The following EPHA5 variants were observed in gnomAD, a reference collection of about 807,000 sequenced individuals.
EPHA5 encodes EPH receptor A5.
EPHA5 carries 60 observed loss-of-function variants against 105.0 expected under a neutral mutation model. That is an observed-to-expected ratio of 0.57 (90% CI 0.46 to 0.71). The LOEUF is 0.71. Among genes scored for constraint, EPHA5 ranks in the 30% least tolerant of loss-of-function variants. The pLI, the probability that EPHA5 is intolerant of heterozygous loss-of-function variation, is 0.00. For missense variants in EPHA5, 1,218 were observed against 1,274.7 expected (o/e 0.96, Z 0.68); for synonymous variants, 513 against 449.1 (o/e 1.14, Z -1.80).
chr4:65,331,263 A>G (rs1267154418), intron 16 of EPHA5: 13 of 1,030,520 alleles, frequency 1.3e-5, no homozygotes, highest in Non-Finnish European at 1.5e-5. Context: ...AATTAGGCTA[A>G]AACAACCACA....
intron 16 of EPHA5, among the ~76,000 whole-genome samples, chr4:65,324,459 A>G (rs2148777971): frequency 6.6e-6 from 1 of 151,658 alleles, no homozygotes; most frequent in Admixed American, 6.6e-5. Flanking sequence ...ATTTGTGGAC[A>G]TCACTATTTT....
chr4:65,576,098 GAAAAGAAAAGAAAAGAA>G (rs1560721492), intron 3 of EPHA5, among the ~76,000 whole-genome samples: 1,082 of 77,044 alleles, frequency 0.014, 47 homozygotes, highest in East Asian at 0.04. Flanking sequence ...GAAAAGAAAA[GAAAAGAAAAGAAAAGAA>G]AAAAGAAAAG....
chr4:65,557,168 G>A (rs1738530616), intron 3 of EPHA5, among the ~76,000 whole-genome samples: 1 of 145,756 alleles, frequency 6.9e-6, no homozygotes, highest in Admixed American at 7.0e-5. Flanking sequence ...CAGATTTGGG[G>A]ACGGGGCATG....
chr4:65,666,912 T>C (rs2149562742), intron 1 of EPHA5, among the ~76,000 whole-genome samples: 1 of 152,328 alleles, frequency 6.6e-6, no homozygotes, highest in Admixed American at 6.5e-5. Context: ...CAGCTATGAA[T>C]ATACACTTAC....
intron 8 of EPHA5, among the ~76,000 whole-genome samples, chr4:65,380,338 A>G (rs955661421): frequency 4.6e-5 from 7 of 151,812 alleles, no homozygotes; most frequent in Admixed American, 1.3e-4. Context: ...TGATAGCATA[A>G]TCTTTTCAGA....
chr4:65,369,175 A>G (rs934481726), intron 8 of EPHA5, among the ~76,000 whole-genome samples: 1 of 152,178 alleles, frequency 6.6e-6, no homozygotes, highest in Non-Finnish European at 1.5e-5. Flanking sequence ...CACATTGATG[A>G]ATGAATAAAT....
intron 5 of EPHA5, among the ~76,000 whole-genome samples, chr4:65,441,341 T>G (rs908559103): frequency 6.6e-6 from 1 of 151,984 alleles, no homozygotes; most frequent in Admixed American, 6.6e-5. Flanking sequence ...CATATACTAC[T>G]GAGGGTGTGA....
chr4:65,600,238 ATTTCT>A (rs1276064018), intron 3 of EPHA5, among the ~76,000 whole-genome samples: 7 of 152,282 alleles, frequency 4.6e-5, no homozygotes, highest in South Asian at 2.1e-4. Context: ...ATATTAGAAC[ATTTCT>A]TTAATTCCAG....
At chr4:65,516,470 C>A (rs183438982) in intron 3 of EPHA5, among the ~76,000 whole-genome samples, 1 of 151,970 alleles carries the variant, frequency 6.6e-6, no homozygotes, top group Non-Finnish European at 1.5e-5. Flanking sequence ...ATTTTAGGAA[C>A]AGCAGAGGCA....
At chr4:65,441,487 A>G (rs1256304960) in intron 5 of EPHA5, among the ~76,000 whole-genome samples, 2 of 152,124 alleles carry the variant, frequency 1.3e-5, no homozygotes, top group African/African-American at 2.4e-5. Context: ...ATCTTTAAAA[A>G]TGCTCACTCT....
intron 1 of EPHA5, among the ~76,000 whole-genome samples, chr4:65,651,339 T>G (rs1184759056): frequency 6.6e-6 from 1 of 152,176 alleles, no homozygotes; most frequent in African/African-American, 2.4e-5. Flanking sequence ...TGTTGTTGCT[T>G]AATCCAGTAG....
intron 11 of EPHA5, among the ~76,000 whole-genome samples, chr4:65,354,499 T>G (rs964035391): frequency 6.6e-6 from 1 of 151,740 alleles, no homozygotes; most frequent in East Asian, 1.9e-4. Flanking sequence ...ATTTAAAATA[T>G]TTTGAGTTAA....
At chr4:65,494,529 A>G (rs1424199357) in intron 4 of EPHA5, among the ~76,000 whole-genome samples, 1 of 152,180 alleles carries the variant, frequency 6.6e-6, no homozygotes. Context: ...AAAAACTCTG[A>G]AAGTATTGTC....
At chr4:65,329,078 G>A (rs534786714) in intron 16 of EPHA5, among the ~76,000 whole-genome samples, 3 of 151,224 alleles carry the variant, frequency 2.0e-5, no homozygotes, top group Non-Finnish European at 3.0e-5. Context: ...AGTTTAAAAA[G>A]TAGCTGTGAT....
Position 65,445,547 on chromosome 4 carries a change from C to T in EPHA5, c.1403-24982G>A, listed in dbSNP as rs917337806. On this transcript the variant is annotated intron_variant, in intron 5 of 16. Transcript: ENST00000613740. Reference sequence around the variant, plus strand: ...TGTGAGCATTATAAAGAAAATTTATCATCAAGAAAATTCACATTAAATATA... The same window carrying T: ...TGTGAGCATTATAAAGAAAATTTATTATCAAGAAAATTCACATTAAATATA... Among the ~76,000 whole-genome samples, 5 of 152,134 alleles carry T rather than the reference C, an allele frequency of 3.3e-5. No individual in the cohort carries two copies. In the East Asian group the frequency reaches 7.7e-4, roughly 24 times the overall value.
intron 5 of EPHA5, among the ~76,000 whole-genome samples, chr4:65,431,185 A>G (rs906826812): frequency 2.6e-5 from 4 of 152,312 alleles, no homozygotes; most frequent in Admixed American, 2.0e-4. Context: ...ATGCTGCACC[A>G]TAGATAAGAT....
intron 16 of EPHA5, among the ~76,000 whole-genome samples, chr4:65,326,390 C>T (rs1428755819): frequency 6.6e-6 from 1 of 151,088 alleles, no homozygotes; most frequent in Non-Finnish European, 1.5e-5. Flanking sequence ...ATTTATTCAT[C>T]TATAAAATGA....
chr4:65,330,589 A>G, intron 16 of EPHA5: 1 of 460,590 alleles, frequency 2.2e-6, no homozygotes, highest in Non-Finnish European at 2.9e-6. Flanking sequence ...ATATATTTAC[A>G]AGTAATCTGA....
chr4:65,499,827 ATC>A (rs1732300530), intron 3 of EPHA5, among the ~76,000 whole-genome samples: 1 of 118,452 alleles, frequency 8.4e-6, no homozygotes, highest in South Asian at 3.0e-4. Flanking sequence ...TAAATGTATA[ATC>A]TTTTTTTTTT....
Sources: allele counts gnomAD v4.1 joint callset (sites outside exome capture counted in the v4.1 genomes callset), GRCh38; gene constraint gnomAD v4.1.1; transcripts MANE v1.5; gene names NCBI Gene and HGNC (gene_info 2026-07-23, HGNC 2026-07-21).